The following VIPAS39 variants were observed in gnomAD, a reference collection of about 807,000 sequenced individuals.
The protein encoded by VIPAS39 is VPS33B interacting protein, apical-basolateral polarity regulator, spe-39 homolog.
A neutral mutation model predicts 84.7 loss-of-function variants in VIPAS39; 63 were observed. The ratio of observed to expected loss-of-function variants is 0.74; its 90% CI spans 0.61 to 0.92. The LOEUF (loss-of-function observed/expected upper bound fraction) is 0.92, where lower values mean the gene tolerates loss of function less well. VIPAS39 is among the 40% of genes least tolerant of loss of function. VIPAS39 has a pLI of 0.00. For synonymous variants in VIPAS39, 192 were observed against 216.5 expected, an observed-to-expected ratio of 0.89 and a Z score of 0.99; for missense variants, 499 against 604.5, an observed-to-expected ratio of 0.83 and a Z score of 1.83.
At chr14:77,444,490 A>C in intron 7 of VIPAS39, 149 bp from the exon 8 acceptor site, 1 of 673,330 alleles carries the variant, frequency 1.5e-6, no homozygotes, top group Non-Finnish European at 2.5e-6. Flanking sequence ...CACTTATAAA[A>C]CAGTTGGCTC....
chr14:77,451,331 T>C lies in VIPAS39; in HGVS notation c.199A>G (p.Ile67Val). 6.2e-7 allele frequency: 1 copy of C among 1,614,168 alleles called. No individual in the cohort carries two copies. Among genetic ancestry groups the C allele is most frequent in the Non-Finnish European group, 8.5e-7 (1 of 1,180,014 alleles). Reference sequence around the variant, plus strand: ...GCAGTCTCTCTGATGGACCATGAGATACCTGTGAGATAGTAAGAACTACAT... The same window carrying C: ...GCAGTCTCTCTGATGGACCATGAGACACCTGTGAGATAGTAAGAACTACAT... ...VSWSGEPVGS[I>V]SWSIRETAGN... The change falls in exon 4 of 20, where the codon ATC becomes GTC. Residue 67 changes from isoleucine to valine, a missense_variant and splice_region_variant. By Grantham distance (29) the Ile-to-Val change is conservative. Coordinates refer to ENST00000557658, the MANE Select transcript of VIPAS39 (RefSeq NM_001193315.2).
chr14:77,434,593 T>G (rs2078575355), intron 14 of VIPAS39, among the ~76,000 whole-genome samples: 1 of 151,912 alleles, frequency 6.6e-6, no homozygotes, highest in Non-Finnish European at 1.5e-5. Context: ...TTGAAAAATT[T>G]AGAAAGAAAA....
In VIPAS39 at chr14:77,429,693, A is replaced by G. The variant is rs188105111; in HGVS notation, c.1254T>C (p.Asn418=). The change falls in exon 17 of 20, where the codon AAT becomes AAC. Residue 418 remains asparagine (N), a synonymous_variant. Transcript: ENST00000557658. ...HRVVEILHKN[N]APVQILQEYV... is the part of the protein sequence containing the mutation. ...CAGGACCCATTACCTGCACAGGGGC[A>G]TTGTTCTTGTGCAAAATTTCGACAA... The G allele has an allele frequency of 6.0e-5, 97 of 1,614,150 alleles. No homozygotes were observed. The Admixed American group carries it at 1.6e-3, about 26-fold the overall frequency.
At chr14:77,440,819 A>G (rs540483788) in intron 11 of VIPAS39, among the ~76,000 whole-genome samples, 1 of 152,304 alleles carries the variant, frequency 6.6e-6, no homozygotes, top group African/African-American at 2.4e-5. Flanking sequence ...CCCAGGTTCA[A>G]GCAATTCTCC....
At chr14:77,436,067 G>C (rs2078606783) in intron 12 of VIPAS39, 148 bp from the exon 13 acceptor site, 1 of 788,130 alleles carries the variant, frequency 1.3e-6, no homozygotes, top group East Asian at 2.6e-5. Context: ...CTTAAAGAAA[G>C]ACATCGCATG....
intron 19 of VIPAS39, 151 bp from the exon 20 acceptor site, chr14:77,427,787 T>A: frequency 1.1e-6 from 1 of 945,100 alleles, no homozygotes; most frequent in Non-Finnish European, 1.6e-6. Context: ...TGTTGAGAAA[T>A]TTTTTAAAAT....
intron 7 of VIPAS39, among the ~76,000 whole-genome samples, chr14:77,445,320 T>C (rs1566733642): frequency 1.3e-5 from 2 of 152,214 alleles, no homozygotes; most frequent in African/African-American, 4.8e-5. Flanking sequence ...TCTTTTAAAG[T>C]GATTATTGGT....
rs921860094 is a variant in VIPAS39, at chr14:77,427,349, C to A, written c.*267G>T. The A allele has an allele frequency of 7.5e-6, 4 of 532,778 alleles. No individual in the cohort carries two copies. Among genetic ancestry groups the A allele is most frequent in the African/African-American group, 1.9e-5 (1 of 52,474 alleles). 33.0% of individuals were successfully genotyped at this position (532,778 alleles called of 1,614,324 possible). A position where few individuals can be genotyped will look rare whatever the true frequency, so the allele number is the denominator to read the frequency against. On this transcript the variant is annotated 3_prime_UTR_variant, in exon 20 of 20. Transcript: ENST00000557658. ...CAAGTGAGATCTTACCCAGTAGGGG[C>A]CCAATCTAGAAATCACTCCCACCTT...
chr14:77,457,241 G>A (rs2078973792), intron 1 of VIPAS39: 1 of 1,532,254 alleles, frequency 6.5e-7, no homozygotes, highest in Admixed American at 2.0e-5. Flanking sequence ...AGTCGTCAGA[G>A]CCCAGCGGAT....
chr14:77,449,934 T>A (rs2078855771), intron 4 of VIPAS39, among the ~76,000 whole-genome samples, 182 bp from the exon 5 acceptor site: 1 of 152,198 alleles, frequency 6.6e-6, no homozygotes, highest in South Asian at 2.1e-4. Flanking sequence ...GGGAGAAAAT[T>A]TTTTTTAATT....
Position 77,457,571 on chromosome 14 carries a change from G to A in VIPAS39, c.-77C>T. The stretch of plus-strand genomic sequence containing the variant: ...CTGGACCAGCCCTTCTATTCAGGCT[G>A]TGCAGCTTAGAGAAGGGGGCGGAAG... On this transcript the variant is annotated 5_prime_UTR_variant, in exon 1 of 20. Coordinates refer to ENST00000557658, the MANE Select transcript of VIPAS39 (RefSeq NM_001193315.2). 1.6e-6 allele frequency: 1 copy of A among 607,992 alleles called. No individual in the cohort carries two copies. 37.7% of individuals were successfully genotyped at this position (607,992 alleles called of 1,614,324 possible). A position where few individuals can be genotyped will look rare whatever the true frequency, so the allele number is the denominator to read the frequency against.
At chr14:77,448,115 C>T (rs1435240603) in intron 7 of VIPAS39, among the ~76,000 whole-genome samples, 3 of 152,016 alleles carry the variant, frequency 2.0e-5, no homozygotes, top group African/African-American at 4.8e-5. Context: ...CCACCACACC[C>T]GGCTAATTTT....
intron 11 of VIPAS39, among the ~76,000 whole-genome samples, chr14:77,439,033 T>G (rs1156990546): frequency 6.6e-6 from 1 of 152,240 alleles, no homozygotes; most frequent in Non-Finnish European, 1.5e-5. Context: ...GAGCTATAGT[T>G]AATTTTTTGT....
In VIPAS39 at chr14:77,449,349, C is replaced by T. The variant is rs1241227127; in HGVS notation, c.391G>A (p.Asp131Asn). 2 of 1,614,092 alleles carry T rather than the reference C, an allele frequency of 1.2e-6. No homozygotes were observed. The highest frequency in any genetic ancestry group is 2.7e-5 in the African/African-American group (2 of 74,948). The change falls in exon 6 of 20, where the codon GAC (aspartate) becomes AAC (asparagine). Residue 131 changes from aspartate to asparagine, a missense_variant. By Grantham distance (23) the Asp-to-Asn change is conservative. Transcript: ENST00000557658. ...SFQSLSDALS[D>N]TPAKSYAPEL... ...GGAGCATAGCTTTTGGCAGGTGTGT[C>T]TGACAGAGCTGAAAAAGAATAAGCA...
rs1278402419 is a variant in VIPAS39 at position 77,429,030 on chromosome 14, G to T, written c.1332C>A (p.Phe444Leu). ...CATCAATGACGACATCATGGCACTT[G>T]AACTTAGTGGCTAAGTTCAACTTCG... ...VDTKLNLATK[F>L]KCHDVVIDTY... Residue 444 changes from phenylalanine (F) to leucine (L), a missense_variant, in exon 18 of 20, where the codon TTC becomes TTA. By Grantham distance (22) the Phe-to-Leu change is conservative. Transcript: ENST00000557658. The T allele has an allele frequency of 6.2e-7, 1 of 1,613,762 alleles. No homozygotes were observed. The highest frequency in any genetic ancestry group is 1.7e-5 in the Admixed American group (1 of 59,972).
chr14:77,457,420 G>A (rs781060108), intron 1 of VIPAS39, 75 bp downstream of exon 1: 17 of 1,533,718 alleles, frequency 1.1e-5, no homozygotes, highest in South Asian at 2.4e-5. Context: ...CCTCCTAGAA[G>A]AGGGGAAAAG....
Position 77,442,552 on chromosome 14 carries a change from G to C in VIPAS39, c.734+8C>G, listed in dbSNP as rs546494893. 2 of 1,609,018 alleles carry C rather than the reference G, an allele frequency of 1.2e-6. No individual in the cohort carries two copies. Among genetic ancestry groups the C allele is most frequent in the South Asian group, 2.2e-5 (2 of 90,944 alleles). On this transcript the variant is annotated splice_region_variant and intron_variant, in intron 10 of 19. Coordinates refer to ENST00000557658, the MANE Select transcript of VIPAS39 (RefSeq NM_001193315.2). Reference sequence around the variant, plus strand: ...CTAAACTTTATAGACCAGATGATCAGTTCTTACCTGAAGAGGTCTAAAAGC... The same window carrying C: ...CTAAACTTTATAGACCAGATGATCACTTCTTACCTGAAGAGGTCTAAAAGC...
At chr14:77,445,582 C>G (rs2078775283) in intron 7 of VIPAS39, among the ~76,000 whole-genome samples, 1 of 152,126 alleles carries the variant, frequency 6.6e-6, no homozygotes. Context: ...TGCCATCACA[C>G]CTGGCTAATT....
chr14:77,443,279 T>C (rs1187494261), intron 8 of VIPAS39, 127 bp from the exon 9 acceptor site: 2 of 1,147,528 alleles, frequency 1.7e-6, no homozygotes, highest in Non-Finnish European at 2.6e-6. Context: ...CTGTATGTGA[T>C]GCAAGGAAAG....
Sources: gnomAD v4.1 joint callset for allele counts (sites outside exome capture counted in the v4.1 genomes callset) on GRCh38, gnomAD v4.1.1 for gene constraint, MANE v1.5 for transcripts, NCBI Gene and HGNC (gene_info 2026-07-23, HGNC 2026-07-21) for gene names.